The following ZP2 variants were observed in gnomAD, a reference collection of about 807,000 sequenced individuals.
ZP2 encodes zona pellucida sperm-binding protein 2.
Under a neutral mutation model 84.0 loss-of-function variants are expected in ZP2, and 51 were observed. That is an observed-to-expected ratio of 0.61 (90% CI 0.49 to 0.77). The LOEUF is 0.77. ZP2 is among the 30% of genes least tolerant of loss of function. The pLI, the probability that ZP2 is intolerant of heterozygous loss-of-function variation, is 0.00. For synonymous variants in ZP2, 375 were observed against 330.9 expected (o/e 1.13, Z -1.45); for missense variants, 909 against 911.9 (o/e 1.00, Z 0.04).
chr16:21,201,958 G>C lies in ZP2; in HGVS notation c.1353C>G (p.Ser451Arg). The stretch of plus-strand genomic sequence containing the variant: ...TGAACTCACTGTCTCTAGATATTTT[G>C]CTTGGAGGAAAATCCGTCCAGAGAG... ...IHALWTDFPP[S>R]KISRDSEFRM... Residue 451 changes from serine to arginine, a missense_variant, in exon 12 of 19, where the codon AGC becomes AGG. Ser to Arg is a moderately radical substitution (Grantham distance 110). Transcript: ENST00000574091. The C allele has an allele frequency of 6.2e-7, 1 of 1,614,020 alleles. No individual in the cohort carries two copies. The highest frequency in any genetic ancestry group is 8.5e-7 in the Non-Finnish European group (1 of 1,179,942).
intron 4 of ZP2, among the ~76,000 whole-genome samples, chr16:21,207,199 G>A (rs1325059564): frequency 6.6e-6 from 1 of 152,138 alleles, no homozygotes; most frequent in Non-Finnish European, 1.5e-5. Context: ...TTAGCATCAG[G>A]AAATGGAGTT....
In ZP2 at chr16:21,203,270, A is replaced by G; in HGVS notation, c.973-19T>C. 2 of 1,612,234 alleles carry G rather than the reference A, an allele frequency of 1.2e-6. No individual in the cohort carries two copies. The highest frequency in any genetic ancestry group is 1.7e-6 in the Non-Finnish European group (2 of 1,179,088). On this transcript the variant is annotated intron_variant, in intron 9 of 18. Transcript: ENST00000574091. ...CAGATAACTGAAATGAGAAAATGTC[A>G]ATTAGCAGCCACAGTCCGTTGGGGC...
rs760919145 is a variant in ZP2, at chr16:21,204,414, G to A, written c.694-10C>T. 12 of 1,606,290 alleles carry A rather than the reference G, an allele frequency of 7.5e-6. No individual in the cohort carries two copies. The highest frequency in any genetic ancestry group is 1.1e-5 in the South Asian group (1 of 90,580). ...GATGACTGTTACCTTGCTAGGGGGAGAAATAACAGTGATCTTCAAAAACAT... is the reference window on the plus strand; with the variant it reads ...GATGACTGTTACCTTGCTAGGGGGAAAAATAACAGTGATCTTCAAAAACAT... On this transcript the variant is annotated splice_polypyrimidine_tract_variant and intron_variant, in intron 7 of 18. Coordinates refer to ENST00000574091, the MANE Select transcript of ZP2 (RefSeq NM_001376232.1).
intron 4 of ZP2, among the ~76,000 whole-genome samples, chr16:21,207,770 T>G (rs2093257044): frequency 6.6e-6 from 1 of 152,032 alleles, no homozygotes; most frequent in Non-Finnish European, 1.5e-5. Flanking sequence ...GGTAGGGGAT[T>G]GCTTGAGTCC....
intron 9 of ZP2, 98 bp from the exon 10 acceptor site, chr16:21,203,349 C>T: frequency 6.6e-7 from 1 of 1,526,362 alleles, no homozygotes; most frequent in Non-Finnish European, 8.9e-7. Context: ...TTGCAGGACA[C>T]ACTCCAGACT....
At chr16:21,209,209 C>G (rs1374576283) in intron 4 of ZP2, among the ~76,000 whole-genome samples, 44 of 152,314 alleles carry the variant, frequency 2.9e-4, no homozygotes, top group African/African-American at 1.0e-3. Flanking sequence ...TCTTGTTGCC[C>G]AGGCTGGAGG....
rs190107673 is a variant in ZP2, at chr16:21,209,545, A to G, written c.330+86T>C. The G allele has an allele frequency of 5.5e-4, 691 of 1,264,348 alleles. 5 individuals are homozygous for G. In the African/African-American group the frequency reaches 9.0e-3, roughly 16 times the overall value. 78.3% of individuals were successfully genotyped at this position (1,264,348 alleles called of 1,614,324 possible). ...GGTTGAGAGCCACTGCTTTACTCCA[A>G]AGAGAAAGTTCTTAGCCAAGTTTAC... On this transcript the variant is annotated intron_variant, in intron 4 of 18. Transcript: ENST00000574091.
chr16:21,199,440 T>C (rs1389064228), intron 16 of ZP2, 130 bp downstream of exon 16: 2 of 804,862 alleles, frequency 2.5e-6, no homozygotes, highest in African/African-American at 3.5e-5. Flanking sequence ...GACCAAGTTT[T>C]GACTGGGCCA....
At chr16:21,200,136 T>C (rs1213828126) in intron 14 of ZP2, among the ~76,000 whole-genome samples, 1 of 152,196 alleles carries the variant, frequency 6.6e-6, no homozygotes, top group Non-Finnish European at 1.5e-5. Context: ...TTATATCATT[T>C]CAGAAGACAC....
upstream of ZP2, chr16:21,211,607 A>G (rs768191015): frequency 3.7e-6 from 6 of 1,612,384 alleles, no homozygotes; most frequent in African/African-American, 2.7e-5. Flanking sequence ...TTTTTATAGC[A>G]GGAAGCCAGC....
At chr16:21,204,864 A>G (rs1376524455) in intron 7 of ZP2, among the ~76,000 whole-genome samples, 3 of 152,178 alleles carry the variant, frequency 2.0e-5, no homozygotes, top group African/African-American at 7.2e-5. Flanking sequence ...ACTTGCTATA[A>G]AACAATATAG....
At chr16:21,199,369 G>A (rs952850293) in intron 16 of ZP2, among the ~76,000 whole-genome samples, 8 of 138,910 alleles carry the variant, frequency 5.8e-5, no homozygotes, top group Admixed American at 2.9e-4. Context: ...AGAACTCATC[G>A]TCTATAGAAC....
At chr16:21,202,362 A>G (rs900780548) in intron 10 of ZP2, 71 bp from the exon 11 acceptor site, 3 of 1,337,702 alleles carry the variant, frequency 2.2e-6, no homozygotes, top group South Asian at 3.8e-5. Context: ...CCAACCTGAT[A>G]TGCTACGAGG....
In ZP2 at chr16:21,205,644, C is replaced by T. The variant is rs954285141; in HGVS notation, c.529-60G>A. The stretch of plus-strand genomic sequence containing the variant: ...CTCCCTTAACCAAGTCTCTGGTAGT[C>T]TAACAATTTATCAGGTTAAAGGTAA... On this transcript the variant is annotated intron_variant, in intron 6 of 18. Transcript: ENST00000574091. 3.1e-6 allele frequency: 5 copies of T among 1,611,934 alleles called. No homozygotes were observed. In the African/African-American group the frequency reaches 6.7e-5, roughly 22 times the overall value.
chr16:21,211,247 G>T lies in ZP2; in HGVS notation c.151+60C>A, dbSNP rs564114481. On this transcript the variant is annotated intron_variant, in intron 2 of 18. Transcript: ENST00000574091. ...AGGCCTGTGTTTCTTGGCCAGCTAGGCCTTCCAGCTGCAACCTGTTTTCTC... is the reference window on the plus strand; with the variant it reads ...AGGCCTGTGTTTCTTGGCCAGCTAGTCCTTCCAGCTGCAACCTGTTTTCTC... 2.2e-5 allele frequency: 32 copies of T among 1,480,480 alleles called. 1 individual carries two copies. In the South Asian group the frequency reaches 3.0e-4, roughly 14 times the overall value. 91.7% of individuals were successfully genotyped at this position (1,480,480 alleles called of 1,614,324 possible).
intron 14 of ZP2, among the ~76,000 whole-genome samples, chr16:21,200,342 G>A (rs1434452962): frequency 3.3e-5 from 5 of 152,224 alleles, no homozygotes; most frequent in African/African-American, 1.2e-4. Flanking sequence ...GGAGGCTAAG[G>A]CAGGTGAATC....
rs2152854609 is a variant in ZP2, at chr16:21,199,879, C to T, written c.1695-1G>A. 2.5e-6 allele frequency: 4 copies of T among 1,612,302 alleles called. No individual in the cohort carries two copies. In the East Asian group the frequency reaches 8.9e-5, roughly 36 times the overall value. On this transcript the variant is annotated splice_acceptor_variant, in intron 14 of 18. Transcript: ENST00000574091. LOFTEE classifies it high-confidence loss of function. ...GTAGTTGTCCAGGTCATATGCACAG[C>T]TAGGAGGTATGCACCAGGGAGGGAT...
chr16:21,206,083 C>T (rs376846266), intron 5 of ZP2: 29 of 373,868 alleles, frequency 7.8e-5, no homozygotes, highest in South Asian at 1.4e-4. Context: ...CTGCAACCTC[C>T]GTCTCCTGGG....
chr16:21,210,470 A>G (rs2093269671), intron 2 of ZP2, among the ~76,000 whole-genome samples: 2 of 152,182 alleles, frequency 1.3e-5, no homozygotes, highest in African/African-American at 4.8e-5. Context: ...CAACACCTTG[A>G]CAGTGGAGCA....
Sources: gnomAD v4.1 joint callset for allele counts (sites outside exome capture counted in the v4.1 genomes callset) on GRCh38, gnomAD v4.1.1 for gene constraint, MANE v1.5 for transcripts, NCBI Gene and HGNC (gene_info 2026-07-23, HGNC 2026-07-21) for gene names.